Variants in BNC2 observed in about 807,000 individuals in gnomAD.
BNC2 encodes zinc finger protein basonuclin-2.
In BNC2, 20 loss-of-function variants were observed where a neutral mutation model predicts 76.3. The observed-to-expected ratio is 0.26, with a 90% CI of 0.18 to 0.38. The LOEUF (loss-of-function observed/expected upper bound fraction) is 0.38. Ranked by LOEUF, BNC2 falls within the 10% of genes least tolerant of loss-of-function variation. The pLI is 1.00. For missense variants in BNC2, 1,382 were observed against 1,399.8 expected (o/e 0.99, Z 0.20); for synonymous variants, 582 against 514.8 (o/e 1.13, Z -1.77).
intron 4 of BNC2, among the ~76,000 whole-genome samples, chr9:16,565,872 GTGACA>G (rs1158908413): frequency 6.6e-6 from 1 of 151,680 alleles, no homozygotes; most frequent in Non-Finnish European, 1.5e-5. Context: ...AACTGGATAT[GTGACA>G]TGAGAACATA....
intron 5 of BNC2, among the ~76,000 whole-genome samples, chr9:16,444,141 G>A (rs956295116): frequency 6.6e-6 from 1 of 152,050 alleles, no homozygotes; most frequent in African/African-American, 2.4e-5. Flanking sequence ...TCCTATTAGT[G>A]GAATATGCAA....
intron 5 of BNC2, among the ~76,000 whole-genome samples, chr9:16,488,324 C>T (rs1822208001): frequency 6.6e-6 from 1 of 152,126 alleles, no homozygotes; most frequent in African/African-American, 2.4e-5. Flanking sequence ...CTCTAGAGAC[C>T]TCTTTAAGTA....
chr9:16,523,554 T>A (rs1246078594), intron 5 of BNC2, among the ~76,000 whole-genome samples: 1 of 150,242 alleles, frequency 6.7e-6, no homozygotes, highest in Non-Finnish European at 1.5e-5. Flanking sequence ...TGAAGGTGAA[T>A]CTTGTTAAAC....
Position 16,787,980 on chromosome 9 carries a change from T to C in BNC2, c.4-49495A>G, listed in dbSNP as rs77443611. On this transcript the variant is annotated intron_variant, in intron 1 of 6. Coordinates refer to ENST00000380672, the MANE Select transcript of BNC2 (RefSeq NM_017637.6). ...AGCCACATCCTAAATATGGGTAATA[T>C]TGTGTCCCTTCATCACTAATTCCAT... Among the ~76,000 whole-genome samples, 1,283 of 152,252 alleles carry C rather than the reference T, an allele frequency of 8.4e-3. 21 individuals carry two copies. The highest frequency in any genetic ancestry group is 0.029 in the African/African-American group (1,197 of 41,550).
chr9:16,776,497 G>T (rs1207306226), intron 1 of BNC2, among the ~76,000 whole-genome samples: 1 of 152,088 alleles, frequency 6.6e-6, no homozygotes, highest in South Asian at 2.1e-4. Context: ...ACTCCTTAAG[G>T]ATATAATCAA....
chr9:16,612,331 A>G (rs754482734), intron 3 of BNC2, among the ~76,000 whole-genome samples: 24 of 152,180 alleles, frequency 1.6e-4, no homozygotes, highest in Non-Finnish European at 3.2e-4. Context: ...CTGCCTCATG[A>G]TACAATACTG....
intron 1 of BNC2, among the ~76,000 whole-genome samples, chr9:16,830,421 C>A (rs1422538526): frequency 1.3e-5 from 2 of 152,194 alleles, no homozygotes; most frequent in Non-Finnish European, 2.9e-5. Context: ...TACTTGAAAT[C>A]ATCCCTAGAT....
At chr9:16,645,895 G>T (rs1490216824) in intron 3 of BNC2, among the ~76,000 whole-genome samples, 1 of 152,080 alleles carries the variant, frequency 6.6e-6, no homozygotes, top group African/African-American at 2.4e-5. Flanking sequence ...ACCATTCTGG[G>T]ACTTCTGAGG....
intron 3 of BNC2, among the ~76,000 whole-genome samples, chr9:16,615,626 G>A (rs1051359739): frequency 2.6e-5 from 4 of 151,794 alleles, no homozygotes; most frequent in Admixed American, 6.6e-5. Flanking sequence ...ATTCTTCATC[G>A]AACCTATAAA....
At chr9:16,684,813 T>A (rs1822928295) in intron 3 of BNC2, among the ~76,000 whole-genome samples, 2 of 152,056 alleles carry the variant, frequency 1.3e-5, no homozygotes, top group African/African-American at 2.4e-5. Flanking sequence ...AAATGTCACA[T>A]TTACATTTTT....
At chr9:16,468,989 A>G (rs576043286) in intron 5 of BNC2, among the ~76,000 whole-genome samples, 8 of 152,348 alleles carry the variant, frequency 5.3e-5, no homozygotes, top group Non-Finnish European at 8.8e-5. Context: ...TGTTTGCTGA[A>G]TGAATATATC....
intron 1 of BNC2, among the ~76,000 whole-genome samples, chr9:16,809,716 T>C (rs1176438313): frequency 3.3e-5 from 5 of 152,008 alleles, no homozygotes; most frequent in African/African-American, 1.2e-4. Context: ...AAGCAGAGGA[T>C]GCAGTGAGCT....
rs375906500 is a variant in BNC2 at position 16,613,370 on chromosome 9, C to G, written c.331-30285G>C. Among the ~76,000 whole-genome samples the G allele has an allele frequency of 1.6e-3, 247 of 152,124 alleles. 10 individuals carry two copies. In the South Asian group the frequency reaches 0.045, roughly 28 times the overall value. On this transcript the variant is annotated intron_variant, in intron 3 of 6. Coordinates refer to ENST00000380672, the MANE Select transcript of BNC2 (RefSeq NM_017637.6). ...AAAAAATCCATTTTGTGCTTGCAACCCAGAAAAATGTTGCTTTAATAAATT... is the reference window on the plus strand; with the variant it reads ...AAAAAATCCATTTTGTGCTTGCAACGCAGAAAAATGTTGCTTTAATAAATT...
At chr9:16,593,626 G>A (rs949858921) in intron 3 of BNC2, among the ~76,000 whole-genome samples, 1 of 151,874 alleles carries the variant, frequency 6.6e-6, no homozygotes, top group Non-Finnish European at 1.5e-5. Flanking sequence ...GAAATGAAAA[G>A]GCATTTCAAT....
intron 1 of BNC2, among the ~76,000 whole-genome samples, chr9:16,788,911 T>C (rs1817423386): frequency 6.6e-6 from 1 of 151,204 alleles, no homozygotes; most frequent in Admixed American, 6.6e-5. Flanking sequence ...TTCCACCTCC[T>C]ACCTCAAACC....
intron 1 of BNC2, among the ~76,000 whole-genome samples, chr9:16,784,699 G>C (rs1460799051): frequency 6.6e-6 from 1 of 152,198 alleles, no homozygotes. Flanking sequence ...GAGTATCCTA[G>C]AGAAAGTCTA....
At chr9:16,817,728 C>T (rs1818219011) in intron 1 of BNC2, among the ~76,000 whole-genome samples, 1 of 152,170 alleles carries the variant, frequency 6.6e-6, no homozygotes, top group African/African-American at 2.4e-5. Flanking sequence ...CCAGGATTTA[C>T]AGCTTTTGCT....
intron 1 of BNC2, among the ~76,000 whole-genome samples, chr9:16,739,815 A>G (rs973830058): frequency 1.3e-5 from 2 of 152,260 alleles, no homozygotes; most frequent in South Asian, 2.1e-4. Context: ...CAATGACACT[A>G]AAGTTCTAAT....
chr9:16,850,523 T>G (rs1017493632), intron 1 of BNC2, among the ~76,000 whole-genome samples: 1 of 152,224 alleles, frequency 6.6e-6, no homozygotes, highest in African/African-American at 2.4e-5. Flanking sequence ...CTGTAAATAC[T>G]TCTAGGGCCA....
Sources: allele counts gnomAD v4.1 joint callset (sites outside exome capture counted in the v4.1 genomes callset), GRCh38; gene constraint gnomAD v4.1.1; transcripts MANE v1.5; gene names NCBI Gene and HGNC (gene_info 2026-07-23, HGNC 2026-07-21).